The following ATPAF1 variants were observed in gnomAD, a reference collection of about 807,000 sequenced individuals.
ATPAF1 encodes homolog of yeast ATP11.
Under a neutral mutation model 43.9 loss-of-function variants are expected in ATPAF1, and 26 were observed. That is an observed-to-expected ratio of 0.59 (90% CI 0.43 to 0.82). The LOEUF (loss-of-function observed/expected upper bound fraction) is 0.82, where lower values mean the gene tolerates loss of function less well. ATPAF1 is among the 40% of genes least tolerant of loss of function. The probability of loss-of-function intolerance (pLI) is 0.00; values close to 1 mark genes in which losing one functional copy is unlikely to be tolerated. For synonymous variants in ATPAF1, 157 were observed against 168.0 expected, an observed-to-expected ratio of 0.93 and a Z score of 0.50; for missense variants, 366 against 435.0, an observed-to-expected ratio of 0.84 and a Z score of 1.41.
At chr1:46,647,803 C>T (rs1337473064) in intron 6 of ATPAF1, among the ~76,000 whole-genome samples, 3 of 152,218 alleles carry the variant, frequency 2.0e-5, no homozygotes, top group Non-Finnish European at 4.4e-5. Context: ...AGGTGCTTCA[C>T]ATTCTTACCA....
intron 2 of ATPAF1, among the ~76,000 whole-genome samples, chr1:46,660,284 C>T (rs1429260480): frequency 6.6e-6 from 1 of 152,202 alleles, no homozygotes; most frequent in East Asian, 1.9e-4. Flanking sequence ...ATGAGAATTT[C>T]ATTTTCATAC....
At chr1:46,635,314 G>C (rs540687538) in exon 9 of ATPAF1, 14 of 158,034 alleles carry the variant, frequency 8.9e-5, no homozygotes, top group African/African-American at 3.1e-4. Flanking sequence ...AGGATGTTTG[G>C]CTTATGCTTT....
chr1:46,651,432 C>T (rs1676168092), intron 6 of ATPAF1, among the ~76,000 whole-genome samples: 2 of 152,158 alleles, frequency 1.3e-5, no homozygotes, highest in African/African-American at 4.8e-5. Context: ...CAAGTCTTTG[C>T]TATTGTGAAT....
intron 6 of ATPAF1, among the ~76,000 whole-genome samples, chr1:46,647,592 T>C (rs1017258708): frequency 1.3e-5 from 2 of 152,202 alleles, no homozygotes; most frequent in Non-Finnish European, 2.9e-5. Flanking sequence ...CCAGCATTGG[T>C]TGTTACAAAT....
At position 46,638,796 on chromosome 1, in the gene ATPAF1, C is replaced by CT. The variant is rs879683152; in HGVS notation, c.793-2827dup. ...GCTTTCAACATGAAGCAACAGTCTC[C>CT]TCCTTTTCCAAGACCCAATAAGATA... On this transcript the variant is annotated intron_variant, in intron 8 of 8. Transcript: ENST00000574428. Among the ~76,000 whole-genome samples, 786 of 152,032 alleles carry CT rather than the reference C, an allele frequency of 5.2e-3. 3 individuals are homozygous for CT. Among genetic ancestry groups the CT allele is most frequent in the South Asian group, 0.021 (100 of 4,800 alleles).
At chr1:46,652,764 A>C in intron 5 of ATPAF1, 136 bp from the exon 6 acceptor site, 1 of 773,934 alleles carries the variant, frequency 1.3e-6, no homozygotes, top group Non-Finnish European at 2.1e-6. Context: ...TCATTTTCAA[A>C]TCACTCTTAT....
At chr1:46,650,701 A>G (rs1283882165) in intron 6 of ATPAF1, among the ~76,000 whole-genome samples, 1 of 152,198 alleles carries the variant, frequency 6.6e-6, no homozygotes, top group Non-Finnish European at 1.5e-5. Flanking sequence ...ACAAAAAAGA[A>G]CAAGTTCTGT....
intron 2 of ATPAF1, among the ~76,000 whole-genome samples, chr1:46,663,396 C>T (rs1366358484): frequency 6.6e-6 from 1 of 152,202 alleles, no homozygotes. Flanking sequence ...TACAGTCCCA[C>T]CAACAGTGTA....
chr1:46,643,928 G>A (rs1675992127), intron 7 of ATPAF1, among the ~76,000 whole-genome samples: 1 of 152,248 alleles, frequency 6.6e-6, no homozygotes, highest in South Asian at 2.1e-4. Flanking sequence ...CCCCTACATA[G>A]CACAGGTGGA....
chr1:46,639,231 C>CACAA (rs909166733), intron 8 of ATPAF1, among the ~76,000 whole-genome samples: 4 of 41,378 alleles, frequency 9.7e-5, no homozygotes, highest in Admixed American at 3.9e-4. Flanking sequence ...TACATATACA[C>CACAA]ACATACACAC....
intron 1 of ATPAF1, chr1:46,665,996 T>A: frequency 2.3e-6 from 1 of 441,784 alleles, no homozygotes; most frequent in Non-Finnish European, 3.5e-6. Flanking sequence ...TTCTTCAGAC[T>A]GTGTAGCTAA....
At chr1:46,665,871 C>A in intron 1 of ATPAF1, 2 of 1,408,608 alleles carry the variant, frequency 1.4e-6, no homozygotes. Context: ...TCTCCCTAAC[C>A]TACCCTCCAA....
At chr1:46,654,881 T>A (rs1676240359) in intron 4 of ATPAF1, among the ~76,000 whole-genome samples, 1 of 152,202 alleles carries the variant, frequency 6.6e-6, no homozygotes, top group African/African-American at 2.4e-5. Flanking sequence ...CATGCTTTTT[T>A]ATGGCTGCAT....
At position 46,668,099 on chromosome 1, in the gene ATPAF1, G is replaced by C; in HGVS notation, c.224C>G (p.Pro75Arg). The change falls in exon 1 of 9, where the codon CCT becomes CGT. Residue 75 changes from proline (P) to arginine (R), a missense_variant. This residue lies in a region of ATPAF1 where 186 missense variants were observed against 168.5 expected (regional missense o/e 1.10). Transcript: ENST00000574428. The surrounding 1 kb of genome is among the most constrained non-coding windows in gnomAD (Gnocchi z 4.4). ...CTTGTCGCGGTAGCGGTCGTAGAAA[G>C]GGTTGGCCTGGAGCTCGGCCTCGGC... 1 of 1,451,682 alleles carries C rather than the reference G, an allele frequency of 6.9e-7. No individual in the cohort carries two copies. Among genetic ancestry groups the C allele is most frequent in the Non-Finnish European group, 9.1e-7 (1 of 1,099,892 alleles). 89.9% of individuals were successfully genotyped at this position (1,451,682 alleles called of 1,614,324 possible).
At chr1:46,661,773 G>A (rs927941797) in intron 2 of ATPAF1, among the ~76,000 whole-genome samples, 4 of 152,116 alleles carry the variant, frequency 2.6e-5, no homozygotes, top group Non-Finnish European at 4.4e-5. Flanking sequence ...ATATGTGTTA[G>A]CCGTTAGCCT....
chr1:46,664,418 G>T (rs1265361173), intron 2 of ATPAF1: 2 of 152,586 alleles, frequency 1.3e-5, no homozygotes, highest in African/African-American at 4.8e-5. Flanking sequence ...GAAGGGTTAG[G>T]ATTCAGTCCT....
chr1:46,665,969 G>A, intron 1 of ATPAF1: 1 of 765,856 alleles, frequency 1.3e-6, no homozygotes. Flanking sequence ...AGGCTGGGGT[G>A]CTGTCCCTAT....
exon 9 of ATPAF1, chr1:46,635,399 G>C (rs899477431): frequency 5.2e-6 from 1 of 193,180 alleles, no homozygotes; most frequent in African/African-American, 2.3e-5. Context: ...TTATTATCCT[G>C]TCATGAGTTC....
chr1:46,663,232 G>T (rs529570899), intron 2 of ATPAF1, among the ~76,000 whole-genome samples: 4 of 152,110 alleles, frequency 2.6e-5, no homozygotes, highest in African/African-American at 9.7e-5. Context: ...GAATAGTGCC[G>T]CAATAAACAT....
Sources: allele counts gnomAD v4.1 joint callset (sites outside exome capture counted in the v4.1 genomes callset), GRCh38; gene constraint gnomAD v4.1.1; regional missense constraint gnomAD v4.1.1; non-coding constraint Gnocchi (gnomAD v3.1); transcripts MANE v1.5; gene names NCBI Gene and HGNC (gene_info 2026-07-23, HGNC 2026-07-21).